The following PRR16 variants were observed in gnomAD, a reference collection of about 807,000 sequenced individuals.
PRR16 encodes protein Largen.
PRR16 carries 6 observed loss-of-function variants against 18.2 expected under a neutral mutation model. The observed-to-expected ratio is 0.33, with a 90% CI of 0.18 to 0.65. The LOEUF (loss-of-function observed/expected upper bound fraction) is 0.65. Ranked by LOEUF, PRR16 falls within the 30% of genes least tolerant of loss-of-function variation. The probability of loss-of-function intolerance (pLI) is 0.74; values close to 1 mark genes in which losing one functional copy is unlikely to be tolerated. For synonymous variants in PRR16, 151 were observed against 147.8 expected (o/e 1.02, Z -0.16); for missense variants, 412 against 376.6 (o/e 1.09, Z -0.78).
At chr5:120,694,143 T>C in the PRR16 span, among the ~76,000 whole-genome samples, 1 of 152,222 alleles carries the variant, frequency 6.6e-6, no homozygotes, top group African/African-American at 2.4e-5. Flanking sequence ...TTCTTATTAA[T>C]TTGTGACACT....
chr5:120,734,935 T>A, the PRR16 span, among the ~76,000 whole-genome samples: 12 of 152,336 alleles, frequency 7.9e-5, no homozygotes, highest in African/African-American at 2.9e-4. Flanking sequence ...CATTTTTCTT[T>A]CAAACTTCAG....
chr5:120,779,620 T>C, the PRR16 span, among the ~76,000 whole-genome samples: 1 of 152,190 alleles, frequency 6.6e-6, no homozygotes, highest in African/African-American at 2.4e-5. Flanking sequence ...TTGGGTCTTT[T>C]AGCATTTATA....
intron 1 of PRR16, among the ~76,000 whole-genome samples, chr5:120,498,236 T>G (rs551381936): frequency 6.6e-6 from 1 of 150,588 alleles, no homozygotes; most frequent in South Asian, 2.1e-4. Flanking sequence ...TTTTGGGTAG[T>G]TTTTCTAACA....
At chr5:120,722,105 C>T in the PRR16 span, among the ~76,000 whole-genome samples, 73,792 of 151,624 alleles carry the variant, frequency 0.49, 18,717 homozygotes, top group Middle Eastern at 0.61. Context: ...CTCCCACTTA[C>T]GAGTGAGAGA....
chr5:120,785,569 G>GTTTTTTTTTTTTTTTTTTT, the PRR16 span, among the ~76,000 whole-genome samples: 4 of 99,604 alleles, frequency 4.0e-5, no homozygotes, highest in Admixed American at 9.9e-5. Flanking sequence ...GTGTTTTGTT[G>GTTTTTTTTTTTTTTTTTTT]TTGTTGTTTT....
intron 1 of PRR16, among the ~76,000 whole-genome samples, chr5:120,666,651 G>C (rs1561603894): frequency 6.6e-6 from 1 of 151,824 alleles, no homozygotes; most frequent in Non-Finnish European, 1.5e-5. Context: ...CTAATTTATT[G>C]AGAGTTTTTA....
At chr5:120,612,085 A>G (rs1754354798) in intron 1 of PRR16, among the ~76,000 whole-genome samples, 1 of 152,118 alleles carries the variant, frequency 6.6e-6, no homozygotes, top group South Asian at 2.1e-4. Context: ...TGGATTTCAA[A>G]CTTGCACAGC....
In PRR16 at chr5:120,548,792, A is replaced by G. The variant is rs1384707955; in HGVS notation, c.159+84147A>G. 4.6e-5 allele frequency among the ~76,000 whole-genome samples: 7 copies of G among 152,060 alleles called. No homozygotes were observed. In the East Asian group the frequency reaches 7.7e-4, roughly 17 times the overall value. On this transcript the variant is annotated intron_variant, in intron 1 of 1. Transcript: ENST00000407149. ...CCAAGAGGTGACTAAGGAATCAGGG[A>G]ACAGACAGTGATATACACCACTGCG...
intron 1 of PRR16, among the ~76,000 whole-genome samples, chr5:120,525,247 T>C (rs1350050574): frequency 2.0e-5 from 3 of 152,136 alleles, no homozygotes; most frequent in Non-Finnish European, 4.4e-5. Context: ...TGTCTTCAAA[T>C]TCACCAGACT....
chr5:120,539,509 A>T (rs1751837115), intron 1 of PRR16, among the ~76,000 whole-genome samples: 1 of 152,022 alleles, frequency 6.6e-6, no homozygotes. Context: ...CTTCAGGAAA[A>T]ATTTTGCTAT....
At chr5:120,538,645 C>G (rs1751806023) in intron 1 of PRR16, among the ~76,000 whole-genome samples, 1 of 152,172 alleles carries the variant, frequency 6.6e-6, no homozygotes, top group Admixed American at 6.5e-5. Context: ...AAGTACAGGT[C>G]TATAGGGTGC....
chr5:120,755,140 T>A, the PRR16 span, among the ~76,000 whole-genome samples: 20 of 151,968 alleles, frequency 1.3e-4, no homozygotes, highest in East Asian at 2.9e-3. Context: ...TGGATACATA[T>A]GTAACAAACC....
At chr5:120,711,770 G>A in the PRR16 span, among the ~76,000 whole-genome samples, 2 of 152,114 alleles carry the variant, frequency 1.3e-5, no homozygotes, top group Admixed American at 1.3e-4. Flanking sequence ...CAAAGCAGAG[G>A]GGGCTAAGCC....
chr5:120,622,727 T>C (rs1241900499), intron 1 of PRR16, among the ~76,000 whole-genome samples: 5 of 152,124 alleles, frequency 3.3e-5, no homozygotes, highest in Non-Finnish European at 7.4e-5. Context: ...TCCACCCGCC[T>C]CAGCCTCCCA....
At chr5:120,596,223 A>T (rs1427313807) in intron 1 of PRR16, among the ~76,000 whole-genome samples, 1 of 151,256 alleles carries the variant, frequency 6.6e-6, no homozygotes, top group East Asian at 1.9e-4. Context: ...ATGAGAAGGA[A>T]CCTGCTGAAG....
At chr5:120,717,125 C>T in the PRR16 span, among the ~76,000 whole-genome samples, 1 of 152,080 alleles carries the variant, frequency 6.6e-6, no homozygotes, top group African/African-American at 2.4e-5. Flanking sequence ...CTGTGATGAA[C>T]ATATTACTAA....
Position 120,555,334 on chromosome 5 carries a change from T to C in PRR16, c.159+90689T>C, listed in dbSNP as rs1752374357. 2.0e-5 allele frequency among the ~76,000 whole-genome samples: 3 copies of C among 152,032 alleles called. No homozygotes were observed. In the South Asian group the frequency reaches 6.2e-4, roughly 31 times the overall value. On this transcript the variant is annotated intron_variant, in intron 1 of 1. Coordinates refer to ENST00000407149, the MANE Select transcript of PRR16 (RefSeq NM_001300783.2). Reference sequence around the variant, plus strand: ...TAACATTGTTTTGGACCTGTCAGCTTAGGCTGCCACGACAAAATAATATAA... The same window carrying C: ...TAACATTGTTTTGGACCTGTCAGCTCAGGCTGCCACGACAAAATAATATAA...
At chr5:120,497,685 G>A (rs962469349) in intron 1 of PRR16, among the ~76,000 whole-genome samples, 3 of 151,696 alleles carry the variant, frequency 2.0e-5, no homozygotes, top group Admixed American at 6.6e-5. Flanking sequence ...CACAGCTCCC[G>A]GCTGAATTGA....
At chr5:120,484,596 TATATA>T (rs1481388644) in intron 1 of PRR16, among the ~76,000 whole-genome samples, 4 of 146,122 alleles carry the variant, frequency 2.7e-5, no homozygotes, top group East Asian at 2.0e-4. Context: ...TAGTATATAA[TATATA>T]ATATATTATA....
Sources: allele counts gnomAD v4.1 joint callset (sites outside exome capture counted in the v4.1 genomes callset), GRCh38; gene constraint gnomAD v4.1.1; transcripts MANE v1.5; gene names NCBI Gene and HGNC (gene_info 2026-07-23, HGNC 2026-07-21).